The following IL2RA variants were observed in gnomAD, a reference collection of about 807,000 sequenced individuals.
IL2RA encodes the protein interleukin 2 receptor subunit alpha.
In IL2RA, 24 loss-of-function variants were observed where a neutral mutation model predicts 37.8. The ratio of observed to expected loss-of-function variants is 0.63; its 90% CI spans 0.46 to 0.89. The LOEUF (loss-of-function observed/expected upper bound fraction) is 0.89, where lower values mean the gene tolerates loss of function less well. Ranked by LOEUF, IL2RA falls within the 40% of genes least tolerant of loss-of-function variation. The pLI, the probability that IL2RA is intolerant of heterozygous loss-of-function variation, is 0.00. For missense variants in IL2RA, 319 were observed against 348.6 expected (o/e 0.92, Z 0.68); for synonymous variants, 125 against 114.6 (o/e 1.09, Z -0.58).
rs962563250 is a variant in IL2RA at position 6,028,724 on chromosome 10, G to T, written c.65-2699C>A. 6.6e-6 allele frequency among the ~76,000 whole-genome samples: 1 copy of T among 152,214 alleles called. No homozygotes were observed. The highest frequency in any genetic ancestry group is 1.5e-5 in the Non-Finnish European group (1 of 68,042). On this transcript the variant is annotated intron_variant, in intron 1 of 7. Coordinates refer to ENST00000379959, the MANE Select transcript of IL2RA (RefSeq NM_000417.3). This position sits in a 1 kb window ranked among gnomAD's most constrained non-coding sequence, Gnocchi z 4.1. The stretch of plus-strand genomic sequence containing the variant: ...TAGAAACAGACCCGTAAAATTGGGT[G>T]TGGTGGCTCATGCCTGTAATCCCAG...
rs1839476159 is a variant in IL2RA at position 6,025,902 on chromosome 10, A to G, written c.188T>C (p.Leu63Pro). Reference protein sequence around the residue: ...RGFRRIKSGSLYMLCTGNSSH... With the variant: ...RGFRRIKSGSPYMLCTGNSSH... The stretch of plus-strand genomic sequence containing the variant: ...AGAGTTTCCTGTACAGAGCATATAG[A>G]GTGACCCGCTTTTTATTCTGCGGAA... Residue 63 changes from leucine to proline, a missense_variant, in exon 2 of 8, where the codon CTC becomes CCC. Leu to Pro is a moderately conservative substitution (Grantham distance 98, BLOSUM62 -3). Coordinates refer to ENST00000379959, the MANE Select transcript of IL2RA (RefSeq NM_000417.3). This position sits in a 1 kb window ranked among gnomAD's most constrained non-coding sequence, Gnocchi z 4.4. 3 of 1,614,188 alleles carry G rather than the reference A, an allele frequency of 1.9e-6. No individual in the cohort carries two copies. Among genetic ancestry groups the G allele is most frequent in the Non-Finnish European group, 2.5e-6 (3 of 1,180,040 alleles).
Position 6,053,719 on chromosome 10 carries a change from T to G in IL2RA, c.64+8369A>C, listed in dbSNP as rs376835422. Among the ~76,000 whole-genome samples, 116 of 152,352 alleles carry G rather than the reference T, an allele frequency of 7.6e-4. 1 individual carries two copies. In the East Asian group the frequency reaches 9.1e-3, roughly 12 times the overall value. ...TATGTTGCCCAGGCTGGTCTCAAAC[T>G]CCTGGGCTCCAGGGATCCTCCCCTC... On this transcript the variant is annotated intron_variant, in intron 1 of 7. Coordinates refer to ENST00000379959, the MANE Select transcript of IL2RA (RefSeq NM_000417.3).
intron 1 of IL2RA, among the ~76,000 whole-genome samples, chr10:6,061,707 G>A (rs1392070633): frequency 6.6e-6 from 1 of 152,182 alleles, no homozygotes; most frequent in East Asian, 1.9e-4. Flanking sequence ...CTTCCTGATA[G>A]CTTCTTAGTT....
rs1029724763 is a variant in IL2RA, at chr10:6,048,971, C to T, written c.64+13117G>A. Among the ~76,000 whole-genome samples, 1 of 152,136 alleles carries T rather than the reference C, an allele frequency of 6.6e-6. No individual in the cohort carries two copies. The highest frequency in any genetic ancestry group is 1.5e-5 in the Non-Finnish European group (1 of 68,028). ...GCTCACCATGTGTTTTGTCTTGGGCCTTGGTCATTGTATTATTCAGGGAAA... is the reference window on the plus strand; with the variant it reads ...GCTCACCATGTGTTTTGTCTTGGGCTTTGGTCATTGTATTATTCAGGGAAA... On this transcript the variant is annotated intron_variant, in intron 1 of 7. Transcript: ENST00000379959. The surrounding 1 kb of genome is among the most constrained non-coding windows in gnomAD (Gnocchi z 5.3).
chr10:6,014,078 C>A lies in IL2RA; in HGVS notation c.795-1182G>T, dbSNP rs970793223. ...AAGCGAGCCTCTCACCTTAGTCTCC[C>A]GAAGTGCAGGAATTACAGGCAGGAG... On this transcript the variant is annotated intron_variant, in intron 7 of 7. Transcript: ENST00000379959. This position sits in a 1 kb window ranked among gnomAD's most constrained non-coding sequence, Gnocchi z 4.4. 3.3e-5 allele frequency among the ~76,000 whole-genome samples: 5 copies of A among 152,038 alleles called. No individual in the cohort carries two copies. The highest frequency in any genetic ancestry group is 1.2e-4 in the African/African-American group (5 of 41,394).
chr10:6,031,978 C>T (rs186814253), intron 1 of IL2RA, among the ~76,000 whole-genome samples: 10 of 152,136 alleles, frequency 6.6e-5, no homozygotes, highest in Non-Finnish European at 1.3e-4. Flanking sequence ...ATCAAGGCAG[C>T]GTAGTATTAG....
In IL2RA at chr10:6,020,049, G is replaced by A. The variant is rs1227639694; in HGVS notation, c.584-108C>T. ...GGCCCCAGACACGCCCGAGGAGGCA[G>A]GAATCCTGGTGTGGGCACTTCGCCA... On this transcript the variant is annotated intron_variant, in intron 4 of 7. Transcript: ENST00000379959. The surrounding 1 kb of genome is among the most constrained non-coding windows in gnomAD (Gnocchi z 5.6). 1.1e-6 allele frequency: 1 copy of A among 911,040 alleles called. No individual in the cohort carries two copies. The highest frequency in any genetic ancestry group is 1.8e-6 in the Non-Finnish European group (1 of 553,622). The allele number at this position is 911,040 out of a possible 1,614,324, so 56.4% of individuals were successfully genotyped here. A position where few individuals can be genotyped will look rare whatever the true frequency, so the allele number is the denominator to read the frequency against.
chr10:6,043,621 A>G (rs1160051486), intron 1 of IL2RA, among the ~76,000 whole-genome samples: 4 of 152,084 alleles, frequency 2.6e-5, no homozygotes, highest in African/African-American at 9.7e-5. Flanking sequence ...TATTTTTAGT[A>G]GAAATGGGGT....
At chr10:6,055,995 A>G (rs1295546579) in intron 1 of IL2RA, among the ~76,000 whole-genome samples, 3 of 152,208 alleles carry the variant, frequency 2.0e-5, no homozygotes, top group Non-Finnish European at 2.9e-5. Context: ...CCCAGTGGGA[A>G]CTGTGTTTTC....
In IL2RA at chr10:6,058,002, T is replaced by C. The variant is rs1344053042; in HGVS notation, c.64+4086A>G. On this transcript the variant is annotated intron_variant, in intron 1 of 7. Transcript: ENST00000379959. The surrounding 1 kb of genome is among the most constrained non-coding windows in gnomAD (Gnocchi z 4.2). ...TTAGCCAGGCGTGGTGGCAGGTGCCTGTAATCCCAGCTACTTGGGGAGGCT... is the reference window on the plus strand; with the variant it reads ...TTAGCCAGGCGTGGTGGCAGGTGCCCGTAATCCCAGCTACTTGGGGAGGCT... Among the ~76,000 whole-genome samples the C allele has an allele frequency of 6.6e-6, 1 of 152,166 alleles. No homozygotes were observed. The highest frequency in any genetic ancestry group is 2.4e-5 in the African/African-American group (1 of 41,432).
rs1839378325 is a variant in IL2RA, at chr10:6,021,083, G to A, written c.583+395C>T. ...GGCTGTTCAGATCATGCATTTACAC[G>A]ATCACCAGTAAGAGGAAAAATGTGT... On this transcript the variant is annotated intron_variant, in intron 4 of 7. Coordinates refer to ENST00000379959, the MANE Select transcript of IL2RA (RefSeq NM_000417.3). The surrounding 1 kb of genome is among the most constrained non-coding windows in gnomAD (Gnocchi z 4.9). 6.6e-6 allele frequency among the ~76,000 whole-genome samples: 1 copy of A among 152,104 alleles called. No individual in the cohort carries two copies. Among genetic ancestry groups the A allele is most frequent in the African/African-American group, 2.4e-5 (1 of 41,420 alleles).
In IL2RA at chr10:6,048,356, G is replaced by C. The variant is rs1839898533; in HGVS notation, c.64+13732C>G. 2.0e-5 allele frequency among the ~76,000 whole-genome samples: 3 copies of C among 152,224 alleles called. No homozygotes were observed. Among genetic ancestry groups the C allele is most frequent in the Non-Finnish European group, 2.9e-5 (2 of 68,036 alleles). ...TGGGGAGGATGGGGTGCCATTCATTGAGATAGCAAAGAGAGGAGAAAGAGT... is the reference window on the plus strand; with the variant it reads ...TGGGGAGGATGGGGTGCCATTCATTCAGATAGCAAAGAGAGGAGAAAGAGT... On this transcript the variant is annotated intron_variant, in intron 1 of 7. Coordinates refer to ENST00000379959, the MANE Select transcript of IL2RA (RefSeq NM_000417.3). This position sits in a 1 kb window ranked among gnomAD's most constrained non-coding sequence, Gnocchi z 5.3.
rs1174757389 is a variant in IL2RA, at chr10:6,057,107, T to C, written c.64+4981A>G. Among the ~76,000 whole-genome samples the C allele has an allele frequency of 6.6e-6, 1 of 152,236 alleles. No individual in the cohort carries two copies. Among genetic ancestry groups the C allele is most frequent in the Non-Finnish European group, 1.5e-5 (1 of 68,040 alleles). On this transcript the variant is annotated intron_variant, in intron 1 of 7. Coordinates refer to ENST00000379959, the MANE Select transcript of IL2RA (RefSeq NM_000417.3). This position sits in a 1 kb window ranked among gnomAD's most constrained non-coding sequence, Gnocchi z 4.8. ...TGACTTGTGTTACCATGACTATATC[T>C]ATGCCTTTCTCCTCCTCACCAACTT...
At position 6,015,416 on chromosome 10, in the gene IL2RA, G is replaced by A. The variant is rs1839259823; in HGVS notation, c.795-2520C>T. Among the ~76,000 whole-genome samples, 1 of 152,078 alleles carries A rather than the reference G, an allele frequency of 6.6e-6. No homozygotes were observed. Among genetic ancestry groups the A allele is most frequent in the Admixed American group, 6.6e-5 (1 of 15,266 alleles). On this transcript the variant is annotated intron_variant, in intron 7 of 7. Coordinates refer to ENST00000379959, the MANE Select transcript of IL2RA (RefSeq NM_000417.3). The surrounding 1 kb of genome is among the most constrained non-coding windows in gnomAD (Gnocchi z 4.9). ...CCTGATTCTTAATGCTGTTAGCCTA[G>A]TGCGGTGATCCTCAGAGTCTGCTCC...
At position 6,054,309 on chromosome 10, in the gene IL2RA, G is replaced by A. The variant is rs1187957713; in HGVS notation, c.64+7779C>T. Among the ~76,000 whole-genome samples, 1 of 152,198 alleles carries A rather than the reference G, an allele frequency of 6.6e-6. No homozygotes were observed. The highest frequency in any genetic ancestry group is 1.9e-4 in the East Asian group (1 of 5,200). On this transcript the variant is annotated intron_variant, in intron 1 of 7. Coordinates refer to ENST00000379959, the MANE Select transcript of IL2RA (RefSeq NM_000417.3). The surrounding 1 kb of genome is among the most constrained non-coding windows in gnomAD (Gnocchi z 4.5). ...GCTCGGGCTGGGTCAGGAAAAAAAT[G>A]TGGAGGTAGGGAAACAAGACCCAGG...
rs182731071 is a variant in IL2RA at position 6,054,160 on chromosome 10, G to C, written c.64+7928C>G. Among the ~76,000 whole-genome samples the C allele has an allele frequency of 6.6e-6, 1 of 152,254 alleles. No individual in the cohort carries two copies. On this transcript the variant is annotated intron_variant, in intron 1 of 7. Transcript: ENST00000379959. This position sits in a 1 kb window ranked among gnomAD's most constrained non-coding sequence, Gnocchi z 4.5. ...CTCCTTAAGCAGGATGCCTGGATCC[G>C]GGTCGAGGGCTGCAGGCGGAGCTGC...
rs549930913 is a variant in IL2RA, at chr10:6,012,086, A to G, written c.*786T>C. ...AGCAATCCCAAAGAAACTAACTCTTAAAGAGGCCAATTAGTAACGCACAGG... is the reference window on the plus strand; with the variant it reads ...AGCAATCCCAAAGAAACTAACTCTTGAAGAGGCCAATTAGTAACGCACAGG... On this transcript the variant is annotated 3_prime_UTR_variant, in exon 8 of 8. Coordinates refer to ENST00000379959, the MANE Select transcript of IL2RA (RefSeq NM_000417.3). This position sits in a 1 kb window ranked among gnomAD's most constrained non-coding sequence, Gnocchi z 4.8. 2 of 152,580 alleles carry G rather than the reference A, an allele frequency of 1.3e-5. No homozygotes were observed. The highest frequency in any genetic ancestry group is 6.5e-5 in the Admixed American group (1 of 15,310). 9.5% of individuals were successfully genotyped at this position (152,580 alleles called of 1,614,324 possible).
rs183761207 is a variant in IL2RA at position 6,029,951 on chromosome 10, T to C, written c.65-3926A>G. On this transcript the variant is annotated intron_variant, in intron 1 of 7. Coordinates refer to ENST00000379959, the MANE Select transcript of IL2RA (RefSeq NM_000417.3). This position sits in a 1 kb window ranked among gnomAD's most constrained non-coding sequence, Gnocchi z 4.6. ...AATTCCTGACCTCAGATGATCCACC[T>C]GCCTTGGCCTCCCAAAGTGCTGGGA... is the stretch of plus-strand genomic sequence containing the variant. 8.5e-5 allele frequency among the ~76,000 whole-genome samples: 13 copies of C among 152,302 alleles called. No individual in the cohort carries two copies. In the East Asian group the frequency reaches 2.5e-3, roughly 29 times the overall value.
chr10:6,030,155 T>C (rs998865797), intron 1 of IL2RA, among the ~76,000 whole-genome samples: 1 of 152,124 alleles, frequency 6.6e-6, no homozygotes, highest in African/African-American at 2.4e-5. Context: ...TGTAAGACAA[T>C]ATTAAATAGC....
Sources: allele counts gnomAD v4.1 joint callset (sites outside exome capture counted in the v4.1 genomes callset), GRCh38; gene constraint gnomAD v4.1.1; non-coding constraint Gnocchi (gnomAD v3.1); transcripts MANE v1.5; gene names NCBI Gene and HGNC (gene_info 2026-07-23, HGNC 2026-07-21).